Variants in BTBD10 observed in about 807,000 individuals in gnomAD.
BTBD10 encodes BTB/POZ domain-containing protein 10.
Under a neutral mutation model 53.2 loss-of-function variants are expected in BTBD10, and 21 were observed. That is an observed-to-expected ratio of 0.39 (90% CI 0.28 to 0.57). The LOEUF (loss-of-function observed/expected upper bound fraction) is 0.57, where lower values mean the gene tolerates loss of function less well. BTBD10 is among the 20% of genes least tolerant of loss of function. The pLI is 0.53. For missense variants in BTBD10, 360 were observed against 594.7 expected (o/e 0.61, Z 4.10); for synonymous variants, 149 against 192.7 (o/e 0.77, Z 1.88).
chr11:13,459,249 G>T (rs1309027123), intron 1 of BTBD10, among the ~76,000 whole-genome samples: 1 of 151,352 alleles, frequency 6.6e-6, no homozygotes, highest in African/African-American at 2.4e-5. Flanking sequence ...TAGTAGAGAC[G>T]GGGTTTCACC....
In BTBD10 at chr11:13,432,432, C is replaced by T. The variant is rs547170664; in HGVS notation, c.102-10594G>A. On this transcript the variant is annotated intron_variant, in intron 2 of 8. Transcript: ENST00000278174. ...TTGTACTCACGTCAGTTTCCTGGTT[C>T]TCATAATGTACTAAAGTTATGTAAG... is the stretch of plus-strand genomic sequence containing the variant. 5.3e-5 allele frequency among the ~76,000 whole-genome samples: 8 copies of T among 152,208 alleles called. No homozygotes were observed. In the East Asian group the frequency reaches 1.5e-3, roughly 29 times the overall value.
intron 2 of BTBD10, among the ~76,000 whole-genome samples, chr11:13,439,474 T>TA (rs1950607966): frequency 6.6e-6 from 1 of 152,156 alleles, no homozygotes; most frequent in African/African-American, 2.4e-5. Flanking sequence ...AGTTAATCCT[T>TA]AGTTCATTCA....
At chr11:13,393,395 T>C (rs1949456336) in intron 8 of BTBD10, among the ~76,000 whole-genome samples, 1 of 152,210 alleles carries the variant, frequency 6.6e-6, no homozygotes, top group Non-Finnish European at 1.5e-5. Context: ...AAACTCTTTT[T>C]AAGGGACTTG....
At chr11:13,399,465 T>G (rs943727331) in intron 8 of BTBD10, among the ~76,000 whole-genome samples, 16 of 152,088 alleles carry the variant, frequency 1.1e-4, no homozygotes, top group African/African-American at 3.9e-4. Context: ...TTTTTCAAAG[T>G]TTTTAACTTC....
chr11:13,430,441 AT>A (rs1407047365), intron 2 of BTBD10, among the ~76,000 whole-genome samples: 1 of 152,188 alleles, frequency 6.6e-6, no homozygotes, highest in Non-Finnish European at 1.5e-5. Flanking sequence ...TGGTACAACC[AT>A]TTTAGAAACT....
At chr11:13,415,684 G>C (rs1028638382) in intron 5 of BTBD10, among the ~76,000 whole-genome samples, 4 of 151,662 alleles carry the variant, frequency 2.6e-5, no homozygotes, top group African/African-American at 9.7e-5. Flanking sequence ...TACGTAGTTT[G>C]TAAATTATCT....
At chr11:13,419,004 A>G (rs1236368085) in intron 4 of BTBD10, among the ~76,000 whole-genome samples, 2 of 142,560 alleles carry the variant, frequency 1.4e-5, no homozygotes, top group Non-Finnish European at 3.0e-5. Context: ...AAGTATCTAC[A>G]TCGAACTGAC....
intron 1 of BTBD10, among the ~76,000 whole-genome samples, chr11:13,461,303 T>C (rs1451034394): frequency 2.6e-5 from 4 of 152,208 alleles, no homozygotes; most frequent in African/African-American, 9.6e-5. Context: ...CGCAAGACAC[T>C]GAATGCAAAA....
intron 8 of BTBD10, among the ~76,000 whole-genome samples, chr11:13,399,518 TG>T: frequency 6.6e-6 from 1 of 152,208 alleles, no homozygotes; most frequent in Non-Finnish European, 1.5e-5. Flanking sequence ...CGGAGTAGTT[TG>T]ATCTTCTGAA....
chr11:13,429,799 A>G (rs1183118363), intron 2 of BTBD10, among the ~76,000 whole-genome samples: 2 of 152,192 alleles, frequency 1.3e-5, no homozygotes, highest in Non-Finnish European at 1.5e-5. Context: ...TCTTCAAAAA[A>G]CAGTGTTAAG....
intron 1 of BTBD10, among the ~76,000 whole-genome samples, chr11:13,445,942 C>T (rs1442279114): frequency 6.6e-6 from 1 of 152,088 alleles, no homozygotes; most frequent in Non-Finnish European, 1.5e-5. Flanking sequence ...GCATTATGAT[C>T]CCCATATACA....
chr11:13,414,708 T>C (rs1053415495), intron 5 of BTBD10, among the ~76,000 whole-genome samples: 17 of 147,678 alleles, frequency 1.2e-4, no homozygotes, highest in African/African-American at 4.0e-4. Context: ...GGCGTGGTGG[T>C]GCACACCTGT....
chr11:13,429,327 G>C (rs1021239970), intron 2 of BTBD10, among the ~76,000 whole-genome samples: 1 of 151,962 alleles, frequency 6.6e-6, no homozygotes, highest in Non-Finnish European at 1.5e-5. Context: ...AAATGACCTA[G>C]AATAGCCTAA....
intron 1 of BTBD10, 109 bp from the exon 2 acceptor site, chr11:13,445,290 A>C: frequency 2.3e-6 from 1 of 442,588 alleles, no homozygotes; most frequent in Non-Finnish European, 4.0e-6. Context: ...AGTGATGAAT[A>C]GATTATAAAA....
intron 8 of BTBD10, among the ~76,000 whole-genome samples, chr11:13,391,087 A>C (rs1420687477): frequency 6.6e-6 from 1 of 152,224 alleles, no homozygotes; most frequent in Non-Finnish European, 1.5e-5. Context: ...ATCATATTAC[A>C]ATCCTTGCTT....
At chr11:13,397,835 C>T (rs1591092123) in intron 8 of BTBD10, among the ~76,000 whole-genome samples, 1 of 152,128 alleles carries the variant, frequency 6.6e-6, no homozygotes, top group Non-Finnish European at 1.5e-5. Context: ...GTTCAGTTTC[C>T]ATGTAGTTGA....
At chr11:13,421,501 G>T in intron 3 of BTBD10, 141 bp downstream of exon 3, 2 of 644,770 alleles carry the variant, frequency 3.1e-6, no homozygotes, top group Non-Finnish European at 4.7e-6. Context: ...CAAGAACCAA[G>T]CTCAACTAAA....
chr11:13,435,639 C>T (rs545831323), intron 2 of BTBD10, among the ~76,000 whole-genome samples: 31 of 152,232 alleles, frequency 2.0e-4, no homozygotes, highest in Middle Eastern at 6.8e-3. Context: ...ACTACAGGTG[C>T]CTGCCACCAC....
intron 1 of BTBD10, among the ~76,000 whole-genome samples, chr11:13,447,350 G>A (rs1044782664): frequency 2.2e-4 from 33 of 152,086 alleles, no homozygotes; most frequent in Non-Finnish European, 7.4e-5. Flanking sequence ...TCCAACTCCT[G>A]GGCTCAAATG....
Sources: allele counts gnomAD v4.1 joint callset (sites outside exome capture counted in the v4.1 genomes callset), GRCh38; gene constraint gnomAD v4.1.1; transcripts MANE v1.5; gene names NCBI Gene and HGNC (gene_info 2026-07-23, HGNC 2026-07-21).